The following C2orf78 variants were observed in gnomAD, a reference collection of about 807,000 sequenced individuals.
C2orf78 encodes the protein uncharacterized protein C2orf78.
Under a neutral mutation model 21.4 loss-of-function variants are expected in C2orf78, and 12 were observed. That is an observed-to-expected ratio of 0.56 (90% CI 0.36 to 0.91). The LOEUF (loss-of-function observed/expected upper bound fraction) is 0.91, where lower values mean the gene tolerates loss of function less well. Ranked by LOEUF, C2orf78 falls within the 40% of genes least tolerant of loss-of-function variation. The pLI, the probability that C2orf78 is intolerant of heterozygous loss-of-function variation, is 0.01. For synonymous variants in C2orf78, 396 were observed against 413.9 expected (o/e 0.96, Z 0.52); for missense variants, 1,042 against 1,092.4 (o/e 0.95, Z 0.65).
At chr2:73,811,546 A>T (rs1222525703) in intron 1 of C2orf78, among the ~76,000 whole-genome samples, 1 of 152,206 alleles carries the variant, frequency 6.6e-6, no homozygotes, top group Non-Finnish European at 1.5e-5. Flanking sequence ...TCTTCCAAAA[A>T]CAGAGTACCT....
chr2:73,814,049 T>C (rs1377016450), exon 2 of C2orf78: 3 of 1,613,902 alleles, frequency 1.9e-6, no homozygotes, highest in South Asian at 2.2e-5. Context: ...GCCTCAACTA[T>C]CCTGCCTGCA....
At chr2:73,810,158 T>A (rs1467658889) in intron 1 of C2orf78, among the ~76,000 whole-genome samples, 2 of 151,974 alleles carry the variant, frequency 1.3e-5, no homozygotes, top group Non-Finnish European at 2.9e-5. Flanking sequence ...TTATCAGAAG[T>A]CATATTCAGT....
chr2:73,812,422 T>A (rs1673107981), intron 1 of C2orf78, among the ~76,000 whole-genome samples: 1 of 152,230 alleles, frequency 6.6e-6, no homozygotes, highest in Non-Finnish European at 1.5e-5. Context: ...TATTCATGTA[T>A]GAATTATCAC....
chr2:73,813,884 T>C, exon 2 of C2orf78: 1 of 1,613,974 alleles, frequency 6.2e-7, no homozygotes, highest in South Asian at 1.1e-5. Context: ...TTATAAAACT[T>C]CAGATACCAA....
intron 1 of C2orf78, among the ~76,000 whole-genome samples, chr2:73,792,512 T>C (rs1252934417): frequency 6.9e-6 from 1 of 145,738 alleles, no homozygotes; most frequent in Non-Finnish European, 1.5e-5. Flanking sequence ...AATTGTCTAT[T>C]TTGTTAATAC....
chr2:73,816,536 T>C, exon 3 of C2orf78: 1 of 1,613,868 alleles, frequency 6.2e-7, no homozygotes, highest in South Asian at 1.1e-5. Flanking sequence ...CCCGACCAGC[T>C]CCTACCAACA....
chr2:73,816,222 C>T (rs774490779), exon 3 of C2orf78: 2 of 1,613,822 alleles, frequency 1.2e-6, no homozygotes, highest in Non-Finnish European at 1.7e-6. Flanking sequence ...AAACCGCCAG[C>T]CATTCCCAGC....
intron 1 of C2orf78, 80 bp downstream of exon 1, chr2:73,784,486 C>T (rs1573192467): frequency 1.8e-6 from 1 of 553,520 alleles, no homozygotes; most frequent in South Asian, 2.0e-5. Flanking sequence ...CCTATATTCC[C>T]AAACAGCTTG....
chr2:73,814,407 T>G (rs1447437718), intron 2 of C2orf78, among the ~76,000 whole-genome samples, 181 bp downstream of exon 2: 1 of 152,168 alleles, frequency 6.6e-6, no homozygotes, highest in Admixed American at 6.5e-5. Context: ...AGTGGGAAAG[T>G]GGAACACTGT....
At chr2:73,808,678 A>G in intron 1 of C2orf78, 1 of 1,430,868 alleles carries the variant, frequency 7.0e-7, no homozygotes, top group East Asian at 2.7e-5. Context: ...TTGTGACATC[A>G]TTCTCCCACC....
chr2:73,814,944 C>A (rs1573203532), intron 2 of C2orf78, 127 bp from the exon 3 acceptor site: 1 of 823,330 alleles, frequency 1.2e-6, no homozygotes, highest in East Asian at 2.5e-5. Flanking sequence ...GGGTCTTGCC[C>A]ATGGTCCTTA....
chr2:73,814,394 A>G (rs1192632891), intron 2 of C2orf78, among the ~76,000 whole-genome samples, 168 bp downstream of exon 2: 9 of 152,208 alleles, frequency 5.9e-5, no homozygotes, highest in Admixed American at 3.3e-4. Context: ...AGAACACCTT[A>G]TAAGTGGGAA....
At chr2:73,807,194 AG>A (rs1174701202) in intron 1 of C2orf78, among the ~76,000 whole-genome samples, 1 of 101,680 alleles carries the variant, frequency 9.8e-6, no homozygotes, top group African/African-American at 5.1e-5. Flanking sequence ...AAAAAAAAAA[AG>A]AATTGTCTAT....
At chr2:73,809,662 A>G (rs866838355) in intron 1 of C2orf78, among the ~76,000 whole-genome samples, 43 of 152,276 alleles carry the variant, frequency 2.8e-4, no homozygotes, top group African/African-American at 9.9e-4. Flanking sequence ...GGGGTGTGCC[A>G]GCTACTCAGG....
intron 1 of C2orf78, among the ~76,000 whole-genome samples, chr2:73,809,836 C>A (rs1484723144): frequency 6.6e-6 from 1 of 152,018 alleles, no homozygotes; most frequent in Non-Finnish European, 1.5e-5. Flanking sequence ...ACATTCCTAT[C>A]TAAACTAGGT....
chr2:73,816,570 C>T, exon 3 of C2orf78: 1 of 1,613,668 alleles, frequency 6.2e-7, no homozygotes, highest in Non-Finnish European at 8.5e-7. Flanking sequence ...TCCTGCCACA[C>T]CAGCTCAGCC....
chr2:73,786,003 G>A (rs1345174647), intron 1 of C2orf78, among the ~76,000 whole-genome samples: 1 of 151,754 alleles, frequency 6.6e-6, no homozygotes, highest in African/African-American at 2.4e-5. Flanking sequence ...CCAAGATCGC[G>A]CCATTGCACT....
At chr2:73,811,707 G>C (rs1485242795) in intron 1 of C2orf78, among the ~76,000 whole-genome samples, 1 of 151,974 alleles carries the variant, frequency 6.6e-6, no homozygotes, top group African/African-American at 2.4e-5. Flanking sequence ...TTGGATTCTA[G>C]CAGTTGTTTT....
At chr2:73,808,912 A>C (rs1189611395) in intron 1 of C2orf78, 10 of 880,960 alleles carry the variant, frequency 1.1e-5, no homozygotes, top group Non-Finnish European at 1.5e-5. Flanking sequence ...GTAAAGAGAG[A>C]AACTTTTTAA....
Sources: allele counts gnomAD v4.1 joint callset (sites outside exome capture counted in the v4.1 genomes callset), GRCh38; gene constraint gnomAD v4.1.1; transcripts MANE v1.5; gene names NCBI Gene and HGNC (gene_info 2026-07-23, HGNC 2026-07-21).